Variants in TMTC1 observed in about 807,000 individuals in gnomAD.
The protein encoded by TMTC1 is transmembrane O-mannosyltransferase targeting cadherins 1.
In TMTC1, 73 loss-of-function variants were observed where a neutral mutation model predicts 104.8. The ratio of observed to expected loss-of-function variants is 0.70; its 90% CI spans 0.58 to 0.85. The LOEUF is 0.85. Ranked by LOEUF, TMTC1 falls within the 40% of genes least tolerant of loss-of-function variation. The pLI is 0.00. For missense variants in TMTC1, 1,035 were observed against 1,096.1 expected (o/e 0.94, Z 0.79); for synonymous variants, 434 against 428.7 (o/e 1.01, Z -0.15).
At chr12:29,717,418 A>T (rs962628608) in intron 5 of TMTC1, among the ~76,000 whole-genome samples, 4 of 152,208 alleles carry the variant, frequency 2.6e-5, no homozygotes, top group African/African-American at 9.6e-5. Context: ...TGAGTGGTGC[A>T]TGTGAAACTT....
chr12:29,573,829 AG>A (rs1433232988), intron 8 of TMTC1, among the ~76,000 whole-genome samples: 2 of 152,066 alleles, frequency 1.3e-5, no homozygotes, highest in Non-Finnish European at 2.9e-5. Flanking sequence ...GAGACTTCTC[AG>A]GGGGTTATCT....
chr12:29,743,581 C>G (rs991764012), intron 5 of TMTC1, among the ~76,000 whole-genome samples: 3 of 151,964 alleles, frequency 2.0e-5, no homozygotes, highest in Non-Finnish European at 4.4e-5. Context: ...GTCTACAATA[C>G]ATAGTACCAG....
chr12:29,743,517 GA>G (rs978744558), intron 5 of TMTC1, among the ~76,000 whole-genome samples: 70 of 146,114 alleles, frequency 4.8e-4, no homozygotes, highest in Admixed American at 1.9e-3. Context: ...TTCAATTTTT[GA>G]AAAAAAAAAA....
In TMTC1 at chr12:29,783,927, C is replaced by A. The variant is rs1230875925; in HGVS notation, c.-176G>T. 2 of 491,970 alleles carry A rather than the reference C, an allele frequency of 4.1e-6. No individual in the cohort carries two copies. The highest frequency in any genetic ancestry group is 5.9e-5 in the Admixed American group (1 of 16,948). 30.5% of individuals were successfully genotyped at this position (491,970 alleles called of 1,614,324 possible). A position where few individuals can be genotyped will look rare whatever the true frequency, so the allele number is the denominator to read the frequency against. On this transcript the variant is annotated 5_prime_UTR_variant, in exon 1 of 18. Coordinates refer to ENST00000539277, the MANE Select transcript of TMTC1 (RefSeq NM_001193451.2). The surrounding 1 kb of genome is among the most constrained non-coding windows in gnomAD (Gnocchi z 4.7). Reference sequence around the variant, plus strand: ...CCGCCGCCTGCGCCGCGGAGTTGGCCCAGCTGCAAATAAACAGCAGTCCCC... The same window carrying A: ...CCGCCGCCTGCGCCGCGGAGTTGGCACAGCTGCAAATAAACAGCAGTCCCC...
chr12:29,564,001 G>A lies in TMTC1; in HGVS notation c.1533-7001C>T, dbSNP rs151327496. On this transcript the variant is annotated intron_variant, in intron 9 of 17. Transcript: ENST00000539277. Reference sequence around the variant, plus strand: ...AGGAGAGACGATGCTTTACTGGGAGGGGCAGCAACAAAGGGGACTGGGAGT... The same window carrying A: ...AGGAGAGACGATGCTTTACTGGGAGAGGCAGCAACAAAGGGGACTGGGAGT... 8.4e-3 allele frequency among the ~76,000 whole-genome samples: 1,274 copies of A among 152,180 alleles called. 23 individuals are homozygous for A. The highest frequency in any genetic ancestry group is 0.029 in the African/African-American group (1,210 of 41,506).
chr12:29,566,245 G>GA (rs1945510283), intron 9 of TMTC1, among the ~76,000 whole-genome samples: 1 of 152,154 alleles, frequency 6.6e-6, no homozygotes, highest in African/African-American at 2.4e-5. Context: ...CAGAACCCCT[G>GA]AAACAGGAAG....
chr12:29,511,912 C>T (rs567909149), intron 17 of TMTC1, 131 bp downstream of exon 17: 2 of 902,778 alleles, frequency 2.2e-6, no homozygotes, highest in South Asian at 2.7e-5. Flanking sequence ...TTTTAAACTG[C>T]CATACTTTTG....
chr12:29,734,495 A>C (rs1017852355), intron 5 of TMTC1, among the ~76,000 whole-genome samples: 1 of 152,198 alleles, frequency 6.6e-6, no homozygotes, highest in Non-Finnish European at 1.5e-5. Flanking sequence ...CAGGTGGATA[A>C]CCTGTGTCCA....
chr12:29,505,713 G>A lies in TMTC1; in HGVS notation c.*1133C>T, dbSNP rs1943681393. On this transcript the variant is annotated 3_prime_UTR_variant, in exon 18 of 18. Transcript: ENST00000539277. ...AAATATAAATATATATTTAAAATTT[G>A]AATTTAGATCTTTACCCTAGATTTT... 1 of 151,712 alleles carries A rather than the reference G, an allele frequency of 6.6e-6. No homozygotes were observed. The highest frequency in any genetic ancestry group is 2.1e-4 in the South Asian group (1 of 4,814). The allele number at this position is 151,712 out of a possible 1,614,324, so 9.4% of individuals were successfully genotyped here.
At chr12:29,520,505 G>A (rs901149051) in intron 12 of TMTC1, 113 bp downstream of exon 12, 1 of 862,084 alleles carries the variant, frequency 1.2e-6, no homozygotes, top group Non-Finnish European at 1.9e-6. Flanking sequence ...AATAGTGTGA[G>A]CTTCCTGCCA....
At chr12:29,517,362 C>T (rs538377200) in intron 14 of TMTC1, 65 bp downstream of exon 14, 3 of 1,591,916 alleles carry the variant, frequency 1.9e-6, no homozygotes, top group African/African-American at 2.7e-5. Flanking sequence ...GGCGTGAGGA[C>T]TACAGCTCTC....
chr12:29,511,917 C>T, intron 17 of TMTC1, 126 bp downstream of exon 17: 2 of 955,400 alleles, frequency 2.1e-6, no homozygotes, highest in Non-Finnish European at 3.4e-6. Flanking sequence ...AACTGCCATA[C>T]TTTTGATATT....
chr12:29,562,614 A>G (rs1945405183), intron 9 of TMTC1, among the ~76,000 whole-genome samples: 1 of 152,162 alleles, frequency 6.6e-6, no homozygotes, highest in African/African-American at 2.4e-5. Context: ...TGGAGTGGAA[A>G]AATAACTGGA....
At position 29,767,828 on chromosome 12, in the gene TMTC1, G is replaced by C. The variant is rs1428258340; in HGVS notation, c.480+70C>G. The C allele has an allele frequency of 4.4e-6, 6 of 1,361,488 alleles. No homozygotes were observed. The South Asian group carries it at 7.8e-5, about 18-fold the overall frequency. The allele number at this position is 1,361,488 out of a possible 1,614,324, so 84.3% of individuals were successfully genotyped here. A position where few individuals can be genotyped will look rare whatever the true frequency, so the allele number is the denominator to read the frequency against. ...TATTTACATGTATATATATGTGTGT[G>C]TATACACGTATACACGTATACATAC... On this transcript the variant is annotated intron_variant, in intron 2 of 17. Transcript: ENST00000539277.
At chr12:29,778,783 T>C (rs1436056808) in intron 1 of TMTC1, among the ~76,000 whole-genome samples, 1 of 152,210 alleles carries the variant, frequency 6.6e-6, no homozygotes, top group Non-Finnish European at 1.5e-5. Flanking sequence ...CCATGAGTGA[T>C]TCAGAAGAAG....
At chr12:29,651,491 A>G (rs1429240069) in intron 5 of TMTC1, among the ~76,000 whole-genome samples, 2 of 152,156 alleles carry the variant, frequency 1.3e-5, no homozygotes, top group Non-Finnish European at 2.9e-5. Context: ...AAGTTTCAAT[A>G]TAAGAAGTTA....
chr12:29,550,142 G>A (rs538489373), intron 10 of TMTC1, among the ~76,000 whole-genome samples: 99 of 152,162 alleles, frequency 6.5e-4, no homozygotes, highest in African/African-American at 2.1e-3. Flanking sequence ...CTTAAAAGAG[G>A]TGAGTATGAT....
chr12:29,704,902 A>G (rs900245792), intron 5 of TMTC1, among the ~76,000 whole-genome samples: 10 of 152,234 alleles, frequency 6.6e-5, no homozygotes, highest in Non-Finnish European at 1.3e-4. Flanking sequence ...ATTGCAGCAT[A>G]TCTAACGAAA....
chr12:29,727,534 G>A (rs1047372885), intron 5 of TMTC1, among the ~76,000 whole-genome samples: 10 of 151,790 alleles, frequency 6.6e-5, no homozygotes, highest in African/African-American at 2.2e-4. Flanking sequence ...CCACCACCAC[G>A]CCTGGCTAAT....
Sources: allele counts gnomAD v4.1 joint callset (sites outside exome capture counted in the v4.1 genomes callset), GRCh38; gene constraint gnomAD v4.1.1; non-coding constraint Gnocchi (gnomAD v3.1); transcripts MANE v1.5; gene names NCBI Gene and HGNC (gene_info 2026-07-23, HGNC 2026-07-21).